Variants in MMP27 observed in about 807,000 individuals in gnomAD.
MMP27 encodes matrix metallopeptidase 27, also known as matrix metalloproteinase-27.
A neutral mutation model predicts 48.1 loss-of-function variants in MMP27; 51 were observed. That is an observed-to-expected ratio of 1.06 (90% CI 0.85 to 1.34). MMP27 has a LOEUF of 1.34. Among genes scored for constraint, MMP27 ranks in the 40% most tolerant of loss-of-function variants. The pLI, the probability that MMP27 is intolerant of heterozygous loss-of-function variation, is 0.00. For synonymous variants in MMP27, 229 were observed against 208.9 expected, an observed-to-expected ratio of 1.10 and a Z score of -0.83; for missense variants, 698 against 619.3, an observed-to-expected ratio of 1.13 and a Z score of -1.35.
rs751907461 is a variant in MMP27 at position 102,691,844 on chromosome 11, C to A, written c.1464G>T (p.Lys488Asn). The change falls in exon 10 of 10, where the codon AAG (lysine) becomes AAT (asparagine). Residue 488 changes from lysine to asparagine, a missense_variant. Physicochemically the swap from Lys to Asn is moderately conservative, Grantham distance 94 (BLOSUM62 0). Transcript: ENST00000260229. ...NKEKAHSGGI[K>N]ILYHKSLSLF... ...AGCTTAAACTCTTATGATACAATAT[C>A]TTTATGCCTCCTGAATGTGCTTTTT... 1.9e-6 allele frequency: 3 copies of A among 1,612,944 alleles called. No homozygotes were observed. Among genetic ancestry groups the A allele is most frequent in the Non-Finnish European group, 1.7e-6 (2 of 1,179,390 alleles).
chr11:102,705,560 A>G, intron 1 of MMP27, 53 bp downstream of exon 1: 1 of 1,197,614 alleles, frequency 8.3e-7, no homozygotes. Context: ...CAAGAGAATC[A>G]ATAAAATAAG....
chr11:102,699,526 CTAAGTG>C (rs1168592797), intron 4 of MMP27, among the ~76,000 whole-genome samples: 2 of 152,194 alleles, frequency 1.3e-5, no homozygotes, highest in African/African-American at 4.8e-5. Context: ...GGCTTTGCAA[CTAAGTG>C]CATGGAGCCT....
intron 5 of MMP27, 37 bp from the exon 6 acceptor site, chr11:102,696,528 G>C: frequency 6.2e-7 from 1 of 1,608,688 alleles, no homozygotes; most frequent in Non-Finnish European, 8.5e-7. Context: ...TGAATTAAGA[G>C]GGCATGAAGA....
chr11:102,705,758 T>C lies in MMP27; in HGVS notation c.-44A>G, dbSNP rs1022490609. ...GAAGCCGGTTCTGTTAGCACAGAATTTAGAAAATAATAGTGAGACGTGGCA... is the reference window on the plus strand; with the variant it reads ...GAAGCCGGTTCTGTTAGCACAGAATCTAGAAAATAATAGTGAGACGTGGCA... On this transcript the variant is annotated 5_prime_UTR_variant, in exon 1 of 10. Coordinates refer to ENST00000260229, the MANE Select transcript of MMP27 (RefSeq NM_022122.3). 1 of 1,373,276 alleles carries C rather than the reference T, an allele frequency of 7.3e-7. No individual in the cohort carries two copies. Among genetic ancestry groups the C allele is most frequent in the Admixed American group, 2.1e-5 (1 of 48,428 alleles). The allele number at this position is 1,373,276 out of a possible 1,614,324, so 85.1% of individuals were successfully genotyped here.
chr11:102,704,881 A>G, intron 1 of MMP27, 106 bp from the exon 2 acceptor site: 3 of 663,736 alleles, frequency 4.5e-6, no homozygotes, highest in South Asian at 2.0e-5. Context: ...TGGCAATAGG[A>G]AAGGGGAAAA....
chr11:102,702,257 C>T (rs1860953458), intron 4 of MMP27, among the ~76,000 whole-genome samples: 1 of 152,214 alleles, frequency 6.6e-6, no homozygotes, highest in Non-Finnish European at 1.5e-5. Flanking sequence ...GAATTAGAGC[C>T]TCTATGGGCT....
At chr11:102,695,222 A>G (rs998899940) in intron 6 of MMP27, 125 bp from the exon 7 acceptor site, 20 of 1,101,800 alleles carry the variant, frequency 1.8e-5, no homozygotes, top group Non-Finnish European at 2.5e-5. Context: ...GATAATTAGC[A>G]TAATTTTCCC....
chr11:102,703,890 T>G (rs1860994402), intron 2 of MMP27, among the ~76,000 whole-genome samples: 1 of 152,224 alleles, frequency 6.6e-6, no homozygotes, highest in African/African-American at 2.4e-5. Context: ...TCGTTTATGT[T>G]GCCTATCTTG....
intron 7 of MMP27, among the ~76,000 whole-genome samples, 193 bp from the exon 8 acceptor site, chr11:102,694,258 A>G (rs1234901285): frequency 6.6e-6 from 1 of 152,242 alleles, no homozygotes; most frequent in Non-Finnish European, 1.5e-5. Context: ...ATATACCTGT[A>G]AAAGTCAATA....
At position 102,691,561 on chromosome 11, in the gene MMP27, C is replaced by T; in HGVS notation, c.*205G>A. 1 of 464,440 alleles carries T rather than the reference C, an allele frequency of 2.2e-6. No homozygotes were observed. Among genetic ancestry groups the T allele is most frequent in the Non-Finnish European group, 3.8e-6 (1 of 262,948 alleles). 28.8% of individuals were successfully genotyped at this position (464,440 alleles called of 1,614,324 possible). On this transcript the variant is annotated 3_prime_UTR_variant, in exon 10 of 10. Transcript: ENST00000260229. ...ACATGTCTTCTCCAAGTCCACAAAG[C>T]ATGAAATAGGCTTAAAGTACAGTCA...
intron 4 of MMP27, among the ~76,000 whole-genome samples, chr11:102,699,121 C>G (rs1241311951): frequency 6.6e-6 from 1 of 152,148 alleles, no homozygotes; most frequent in Non-Finnish European, 1.5e-5. Context: ...TTAGAATTGC[C>G]TTTGTCTTTG....
chr11:102,703,471 T>A (rs1860985054), intron 2 of MMP27, among the ~76,000 whole-genome samples: 2 of 152,250 alleles, frequency 1.3e-5, no homozygotes, highest in African/African-American at 2.4e-5. Context: ...GAACTGAGAA[T>A]CATTTTTTTG....
intron 4 of MMP27, among the ~76,000 whole-genome samples, chr11:102,699,461 C>T (rs539396777): frequency 2.0e-5 from 3 of 152,044 alleles, no homozygotes; most frequent in Admixed American, 6.6e-5. Flanking sequence ...GAGTGAGACC[C>T]GGTCTCAAAA....
intron 4 of MMP27, among the ~76,000 whole-genome samples, chr11:102,700,839 C>T (rs1399692342): frequency 6.6e-6 from 1 of 152,246 alleles, no homozygotes; most frequent in Non-Finnish European, 1.5e-5. Context: ...CTGACATCCC[C>T]ATGCGATGAC....
At position 102,696,234 on chromosome 11, in the gene MMP27, C is replaced by A. The variant is rs1239902255; in HGVS notation, c.902+137G>T. On this transcript the variant is annotated intron_variant, in intron 6 of 9. Transcript: ENST00000260229. ...AGAGACACACATATGGTAAAGCATT[C>A]AAACAGTATAGGCAGTTATAAAATG... is the stretch of plus-strand genomic sequence containing the variant. The A allele has an allele frequency of 5.2e-6, 4 of 774,582 alleles. 1 individual carries two copies. The South Asian group carries it at 6.5e-5, about 13-fold the overall frequency. The allele number at this position is 774,582 out of a possible 1,614,324, so 48.0% of individuals were successfully genotyped here. A position where few individuals can be genotyped will look rare whatever the true frequency, so the allele number is the denominator to read the frequency against.
At chr11:102,704,440 G>T in intron 2 of MMP27, 97 bp downstream of exon 2, 1 of 934,166 alleles carries the variant, frequency 1.1e-6, no homozygotes, top group Non-Finnish European at 1.7e-6. Context: ...GTGCACACAG[G>T]AAGTGCTCAG....
chr11:102,698,269 T>C (rs1860870678), intron 4 of MMP27, among the ~76,000 whole-genome samples: 1 of 152,052 alleles, frequency 6.6e-6, no homozygotes, highest in South Asian at 2.1e-4. Context: ...ATGTGAGTAA[T>C]GTGTTGTGCT....
At position 102,696,504 on chromosome 11, in the gene MMP27, A is replaced by C. The variant is rs761334653; in HGVS notation, c.782-13T>G. 3.1e-6 allele frequency: 5 copies of C among 1,612,070 alleles called. 1 individual carries two copies. In the South Asian group the frequency reaches 5.5e-5, roughly 18 times the overall value. ...TTAGGCAGACCTCCTTTGATGAGAAAAAAAATACCACAATGAATTAAGAGG... is the reference window on the plus strand; with the variant it reads ...TTAGGCAGACCTCCTTTGATGAGAACAAAAATACCACAATGAATTAAGAGG... On this transcript the variant is annotated splice_polypyrimidine_tract_variant and intron_variant, in intron 5 of 9. Coordinates refer to ENST00000260229, the MANE Select transcript of MMP27 (RefSeq NM_022122.3).
chr11:102,704,524 G>A lies in MMP27; in HGVS notation c.341+13C>T. On this transcript the variant is annotated intron_variant, in intron 2 of 9. Transcript: ENST00000260229. ...CTTTGGATTAGGCGGAAATAAGCTGGCAGAAGCATTACCTGTAGGTGAGGT... is the reference window on the plus strand; with the variant it reads ...CTTTGGATTAGGCGGAAATAAGCTGACAGAAGCATTACCTGTAGGTGAGGT... 1 of 1,570,924 alleles carries A rather than the reference G, an allele frequency of 6.4e-7. No individual in the cohort carries two copies. Among genetic ancestry groups the A allele is most frequent in the Non-Finnish European group, 8.7e-7 (1 of 1,143,154 alleles).
Sources: gnomAD v4.1 joint callset for allele counts (sites outside exome capture counted in the v4.1 genomes callset) on GRCh38, gnomAD v4.1.1 for gene constraint, MANE v1.5 for transcripts, NCBI Gene and HGNC (gene_info 2026-07-23, HGNC 2026-07-21) for gene names.